FOXN3: variants seen among roughly 807,000 people sequenced by gnomAD.
FOXN3 encodes the protein forkhead box protein N3.
In FOXN3, 7 loss-of-function variants were observed where a neutral mutation model predicts 38.4. That is an observed-to-expected ratio of 0.18 (90% CI 0.10 to 0.34). FOXN3 has a LOEUF of 0.34. Ranked by LOEUF, FOXN3 falls within the 10% of genes least tolerant of loss-of-function variation. FOXN3 has a pLI of 1.00. For synonymous variants in FOXN3, 230 were observed against 242.2 expected, an observed-to-expected ratio of 0.95 and a Z score of 0.47; for missense variants, 456 against 613.4, an observed-to-expected ratio of 0.74 and a Z score of 2.71.
chr14:89,360,767 T>C (rs796604183), intron 2 of FOXN3, among the ~76,000 whole-genome samples: 2,886 of 17,530 alleles, frequency 0.16, 133 homozygotes, highest in South Asian at 0.29. Flanking sequence ...CCTCCACCAC[T>C]ACCACCTCCA....
chr14:89,420,075 C>T (rs1047110043), upstream of FOXN3, among the ~76,000 whole-genome samples: 1 of 152,192 alleles, frequency 6.6e-6, no homozygotes, highest in African/African-American at 2.4e-5. Flanking sequence ...GAACCATATT[C>T]CTTTCGTGCT....
At chr14:89,419,225 T>C (rs992294660), upstream of FOXN3, 1 of 456,042 alleles carries the variant, frequency 2.2e-6, no homozygotes, top group South Asian at 1.5e-5. Flanking sequence ...CTGCCTGATG[T>C]GGACAGCAGG....
intron 1 of FOXN3, among the ~76,000 whole-genome samples, chr14:89,526,253 G>C (rs1894430511): frequency 6.6e-6 from 1 of 152,068 alleles, no homozygotes; most frequent in African/African-American, 2.4e-5. Flanking sequence ...TATTGTATTG[G>C]AGGTTCTAAC....
At chr14:89,269,395 G>T (rs1886077113) in intron 4 of FOXN3, among the ~76,000 whole-genome samples, 1 of 152,024 alleles carries the variant, frequency 6.6e-6, no homozygotes. Context: ...AAATGTCTTA[G>T]TCTAGTTTGC....
intron 1 of FOXN3, among the ~76,000 whole-genome samples, chr14:89,511,625 G>A (rs1003925634): frequency 6.6e-6 from 1 of 152,022 alleles, no homozygotes; most frequent in African/African-American, 2.4e-5. Flanking sequence ...ACCCCCTACA[G>A]GACTGCACCT....
At chr14:89,376,907 A>G (rs896837761) in intron 2 of FOXN3, among the ~76,000 whole-genome samples, 1 of 151,158 alleles carries the variant, frequency 6.6e-6, no homozygotes, top group African/African-American at 2.4e-5. Context: ...CCAGCTACTC[A>G]GGAGGCTGAG....
chr14:89,431,598 GTTTT>G (rs929764214), intron 1 of FOXN3, among the ~76,000 whole-genome samples: 31 of 152,094 alleles, frequency 2.0e-4, no homozygotes, highest in African/African-American at 7.5e-4. Context: ...GTTTGTTTTT[GTTTT>G]TTTATTTTGT....
chr14:89,323,416 G>T (rs1009802459), intron 3 of FOXN3, among the ~76,000 whole-genome samples: 1 of 151,484 alleles, frequency 6.6e-6, no homozygotes, highest in African/African-American at 2.4e-5. Flanking sequence ...AAGAAGGAGA[G>T]GTCCCAAAGA....
chr14:89,531,583 A>C (rs1484298038), intron 1 of FOXN3, among the ~76,000 whole-genome samples: 2 of 152,204 alleles, frequency 1.3e-5, no homozygotes, highest in Non-Finnish European at 2.9e-5. Flanking sequence ...AGCATTCATG[A>C]TGTTGCAAGG....
chr14:89,581,569 G>A (rs1249829487), intron 1 of FOXN3, among the ~76,000 whole-genome samples: 2 of 152,024 alleles, frequency 1.3e-5, no homozygotes, highest in Admixed American at 1.3e-4. Context: ...CGTGTCATCC[G>A]ACTATTCCCC....
rs141977182 is a variant in FOXN3 at position 89,426,030 on chromosome 14, G to A, written c.-14-13540C>T. On this transcript the variant is annotated intron_variant, in intron 1 of 6. Coordinates refer to the FOXN3 transcript ENST00000345097. ...AGCATTTCAGCAGTGCTTGGGCTCC[G>A]TTTCAAACAGCAAAATGAACAAAAA... 4.1e-3 allele frequency among the ~76,000 whole-genome samples: 625 copies of A among 151,992 alleles called. 5 individuals carry two copies. The highest frequency in any genetic ancestry group is 6.8e-3 in the Middle Eastern group (2 of 294).
At position 89,273,025 on chromosome 14, in the gene FOXN3, G is replaced by C. The variant is rs17125565; in HGVS notation, c.745+7925C>G. ...GTGAAACTCTGCACCTTTCATTTCA[G>C]TGATTTCCCCAGTTTCGGACTGAGC... On this transcript the variant is annotated intron_variant, in intron 4 of 5. Transcript: ENST00000557258. 6.1e-3 allele frequency among the ~76,000 whole-genome samples: 934 copies of C among 152,268 alleles called. 8 individuals are homozygous for C. The highest frequency in any genetic ancestry group is 0.021 in the African/African-American group (886 of 41,528).
At chr14:89,549,232 CTA>C (rs1894950176) in intron 1 of FOXN3, among the ~76,000 whole-genome samples, 1 of 141,990 alleles carries the variant, frequency 7.0e-6, no homozygotes, top group Admixed American at 7.1e-5. Flanking sequence ...TTTTATGAAA[CTA>C]TAGTGATAAC....
chr14:89,403,084 C>T (rs1482468802), intron 2 of FOXN3, among the ~76,000 whole-genome samples: 1 of 152,236 alleles, frequency 6.6e-6, no homozygotes, highest in African/African-American at 2.4e-5. Context: ...CTGATCGGCA[C>T]ACTTCCAGTA....
intron 1 of FOXN3, among the ~76,000 whole-genome samples, chr14:89,544,224 G>A (rs900778437): frequency 4.6e-5 from 7 of 151,850 alleles, no homozygotes; most frequent in Non-Finnish European, 1.0e-4. Flanking sequence ...TGTATTTTTA[G>A]TAGAGACGGG....
At chr14:89,306,378 G>A (rs1470221541) in intron 3 of FOXN3, among the ~76,000 whole-genome samples, 2 of 145,898 alleles carry the variant, frequency 1.4e-5, no homozygotes, top group Non-Finnish European at 3.0e-5. Flanking sequence ...TTTTTTTTTT[G>A]AGACGGAGAG....
intron 3 of FOXN3, among the ~76,000 whole-genome samples, chr14:89,337,550 C>CTGTACA (rs1888498468): frequency 1.3e-5 from 2 of 152,092 alleles, no homozygotes; most frequent in South Asian, 4.1e-4. Flanking sequence ...AGGGAGGCTT[C>CTGTACA]TTTTCAAAGG....
At chr14:89,503,936 G>A (rs774970114) in intron 1 of FOXN3, among the ~76,000 whole-genome samples, 2 of 152,148 alleles carry the variant, frequency 1.3e-5, no homozygotes, top group African/African-American at 2.4e-5. Flanking sequence ...CAAGCCCATC[G>A]GATTTGCCCC....
intron 2 of FOXN3, chr14:89,400,114 G>A (rs180991197): frequency 1.3e-5 from 2 of 152,272 alleles, no homozygotes; most frequent in East Asian, 3.9e-4. Context: ...GTTCTCTTCT[G>A]CCTGCAAAAC....
Sources: gnomAD v4.1 joint callset for allele counts (sites outside exome capture counted in the v4.1 genomes callset) on GRCh38, gnomAD v4.1.1 for gene constraint, MANE v1.5 for transcripts, NCBI Gene and HGNC (gene_info 2026-07-23, HGNC 2026-07-21) for gene names.